ADAMTS16: variants seen among roughly 807,000 people sequenced by gnomAD.
ADAMTS16 encodes ADAM metallopeptidase with thrombospondin type 1 motif 16.
A neutral mutation model predicts 145.8 loss-of-function variants in ADAMTS16; 94 were observed. The ratio of observed to expected loss-of-function variants is 0.64; its 90% CI spans 0.55 to 0.77. The LOEUF is 0.77. Among genes scored for constraint, ADAMTS16 ranks in the 30% least tolerant of loss-of-function variants. The pLI is 0.00. For missense variants in ADAMTS16, 1,585 were observed against 1,591.5 expected (o/e 1.00, Z 0.07); for synonymous variants, 659 against 604.3 (o/e 1.09, Z -1.33).
intron 11 of ADAMTS16, among the ~76,000 whole-genome samples, chr5:5,230,870 G>T (rs1352759603): frequency 6.6e-6 from 1 of 152,132 alleles, no homozygotes; most frequent in Non-Finnish European, 1.5e-5. Context: ...TCATTCTGGG[G>T]CTTCGAATCC....
chr5:5,158,492 A>C (rs1269060061), intron 3 of ADAMTS16, among the ~76,000 whole-genome samples: 2 of 142,350 alleles, frequency 1.4e-5, no homozygotes, highest in Non-Finnish European at 3.2e-5. Context: ...TTTGGGAAGC[A>C]TACACTCCCC....
At position 5,182,196 on chromosome 5, in the gene ADAMTS16, G is replaced by C. The variant is rs1385747784; in HGVS notation, c.654G>C (p.Glu218Asp). ...AGCCCCATGCTCCTGGGGCCAGTGA[G>C]GTCCTGGTGACCTCAAGGACATGGG... is the stretch of plus-strand genomic sequence containing the variant. ...STEPHAPGAS[E>D]VLVTSRTWEL... The change falls in exon 4 of 23, where the codon GAG becomes GAC. Residue 218 changes from glutamate (E) to aspartate (D), a missense_variant. Physicochemically the swap from Glu to Asp is conservative, Grantham distance 45. Around this residue, in one of 3 missense-constraint regions of ADAMTS16, gnomAD observed 453 missense variants for 412.1 expected, o/e 1.10. Transcript: ENST00000274181. 6.2e-7 allele frequency: 1 copy of C among 1,614,178 alleles called. No individual in the cohort carries two copies. Among genetic ancestry groups the C allele is most frequent in the Admixed American group, 1.7e-5 (1 of 60,030 alleles).
At chr5:5,305,111 C>CCA (rs1398406627) in intron 20 of ADAMTS16, among the ~76,000 whole-genome samples, 499 of 36,808 alleles carry the variant, frequency 0.014, 3 homozygotes, top group African/African-American at 0.041. Context: ...ACATCCCACA[C>CCA]CACACACACA....
chr5:5,290,515 C>T (rs1247927478), intron 18 of ADAMTS16, among the ~76,000 whole-genome samples: 3 of 152,178 alleles, frequency 2.0e-5, no homozygotes, highest in East Asian at 1.9e-4. Flanking sequence ...ATTAGCTGGA[C>T]GTGGTGGTGC....
chr5:5,314,165 G>T lies in ADAMTS16; in HGVS notation c.3412-3969G>T, dbSNP rs6899009. Among the ~76,000 whole-genome samples, 376 of 152,292 alleles carry T rather than the reference G, an allele frequency of 2.5e-3. 2 individuals are homozygous for T. The highest frequency in any genetic ancestry group is 0.014 in the Middle Eastern group (4 of 294). On this transcript the variant is annotated intron_variant, in intron 21 of 22. Coordinates refer to ENST00000274181, the MANE Select transcript of ADAMTS16 (RefSeq NM_139056.4). Reference sequence around the variant, plus strand: ...TTTGGTCCTGGAATAGTGGAAAGTTGCAGGGCAGAAGCTCTAAGCTGGGAG... The same window carrying T: ...TTTGGTCCTGGAATAGTGGAAAGTTTCAGGGCAGAAGCTCTAAGCTGGGAG...
intron 15 of ADAMTS16, 107 bp downstream of exon 15, chr5:5,239,381 G>A: frequency 2.1e-6 from 3 of 1,449,164 alleles, no homozygotes; most frequent in East Asian, 2.3e-5. Flanking sequence ...TCCTTCCGCT[G>A]CCTCGCTTCC....
intron 5 of ADAMTS16, among the ~76,000 whole-genome samples, chr5:5,186,462 G>T (rs1735502085): frequency 6.7e-6 from 1 of 148,652 alleles, no homozygotes; most frequent in Admixed American, 6.9e-5. Context: ...GACTAATTCA[G>T]TAGGAAAAAT....
chr5:5,184,046 T>C (rs1386556256), intron 4 of ADAMTS16, among the ~76,000 whole-genome samples: 1 of 152,190 alleles, frequency 6.6e-6, no homozygotes, highest in African/African-American at 2.4e-5. Context: ...GTGATAGTAC[T>C]ACACTCCTGG....
chr5:5,146,717 T>C (rs1734308858), intron 3 of ADAMTS16, among the ~76,000 whole-genome samples: 2 of 152,214 alleles, frequency 1.3e-5, no homozygotes, highest in African/African-American at 4.8e-5. Flanking sequence ...GAAACTTGTG[T>C]ATAAGAACCG....
intron 2 of ADAMTS16, among the ~76,000 whole-genome samples, chr5:5,143,051 A>G (rs1016388057): frequency 5.9e-5 from 9 of 152,216 alleles, no homozygotes; most frequent in African/African-American, 2.2e-4. Context: ...TACAGAATCT[A>G]ACTCAAGGTG....
intron 20 of ADAMTS16, among the ~76,000 whole-genome samples, chr5:5,305,833 A>G (rs1442082710): frequency 6.6e-6 from 1 of 152,004 alleles, no homozygotes; most frequent in Non-Finnish European, 1.5e-5. Flanking sequence ...TGTCCCAGAG[A>G]CCCTCCGCGC....
chr5:5,164,579 G>A (rs867794186), intron 3 of ADAMTS16, among the ~76,000 whole-genome samples: 4 of 152,230 alleles, frequency 2.6e-5, no homozygotes, highest in Admixed American at 1.3e-4. Flanking sequence ...GAAGCACCAC[G>A]GTGTGGAGGA....
At chr5:5,142,672 G>A (rs1041286290) in intron 2 of ADAMTS16, among the ~76,000 whole-genome samples, 1 of 152,132 alleles carries the variant, frequency 6.6e-6, no homozygotes, top group Non-Finnish European at 1.5e-5. Flanking sequence ...ACTAATTGTA[G>A]CCATACATTT....
At chr5:5,286,082 T>C (rs2126479840) in intron 18 of ADAMTS16, among the ~76,000 whole-genome samples, 1 of 152,312 alleles carries the variant, frequency 6.6e-6, no homozygotes, top group Middle Eastern at 3.4e-3. Flanking sequence ...TCGGAATGAA[T>C]CATTATAAAT....
chr5:5,230,656 T>A (rs995864398), intron 11 of ADAMTS16, among the ~76,000 whole-genome samples: 1 of 152,186 alleles, frequency 6.6e-6, no homozygotes, highest in Admixed American at 6.5e-5. Flanking sequence ...AAAAATAAGC[T>A]TTTTACAAAA....
intron 17 of ADAMTS16, among the ~76,000 whole-genome samples, chr5:5,257,080 T>G (rs1560971794): frequency 6.6e-6 from 1 of 152,206 alleles, no homozygotes; most frequent in Non-Finnish European, 1.5e-5. Context: ...TTTTCTAATT[T>G]AATAGTCTCT....
At chr5:5,155,036 AG>A (rs1334701689) in intron 3 of ADAMTS16, among the ~76,000 whole-genome samples, 2 of 152,162 alleles carry the variant, frequency 1.3e-5, no homozygotes, top group Non-Finnish European at 2.9e-5. Context: ...GCAAAAGTCC[AG>A]TACAAAGAGA....
intron 17 of ADAMTS16, among the ~76,000 whole-genome samples, chr5:5,260,898 C>T (rs2913655): frequency 0.7 from 106,225 of 152,118 alleles, 38,825 homozygotes; most frequent in Non-Finnish European, 0.8. Flanking sequence ...TACAGTCTGT[C>T]CCTTTGCTCC....
intron 18 of ADAMTS16, among the ~76,000 whole-genome samples, chr5:5,276,113 C>A (rs1002829528): frequency 6.6e-6 from 1 of 151,616 alleles, no homozygotes; most frequent in African/African-American, 2.4e-5. Context: ...CCCATCTTGG[C>A]CTCCCAAACT....
Sources: allele counts gnomAD v4.1 joint callset (sites outside exome capture counted in the v4.1 genomes callset), GRCh38; gene constraint gnomAD v4.1.1; regional missense constraint gnomAD v4.1.1; transcripts MANE v1.5; gene names NCBI Gene and HGNC (gene_info 2026-07-23, HGNC 2026-07-21).